Variants in POLR3B observed in about 807,000 individuals in gnomAD.
POLR3B encodes RNA polymerase III subunit B, also known as DNA-directed RNA polymerase III subunit RPC2.
A neutral mutation model predicts 147.4 loss-of-function variants in POLR3B; 96 were observed. The observed-to-expected ratio is 0.65, with a 90% confidence interval of 0.55 to 0.77. The LOEUF (loss-of-function observed/expected upper bound fraction) is 0.77, where lower values mean the gene tolerates loss of function less well. POLR3B is among the 30% of genes least tolerant of loss of function. POLR3B has a pLI of 0.00. For synonymous variants in POLR3B, 461 were observed against 485.9 expected (o/e 0.95, Z 0.67); for missense variants, 1,036 against 1,413.5 (o/e 0.73, Z 4.28).
intron 11 of POLR3B, chr12:106,410,570 T>G: frequency 2.1e-6 from 1 of 479,388 alleles, no homozygotes; most frequent in Non-Finnish European, 3.8e-6. Flanking sequence ...AGGAATGGCA[T>G]GAAGTTTATA....
At chr12:106,459,153 T>A (rs2037903209) in intron 21 of POLR3B, 98 bp from the exon 22 acceptor site, 1 of 767,928 alleles carries the variant, frequency 1.3e-6, no homozygotes, top group Non-Finnish European at 2.3e-6. Context: ...CCTCCTGAGT[T>A]GTTGGGACTG....
chr12:106,452,610 G>A (rs2037811673), intron 19 of POLR3B, among the ~76,000 whole-genome samples: 1 of 152,142 alleles, frequency 6.6e-6, no homozygotes, highest in African/African-American at 2.4e-5. Context: ...TAAATTTTAA[G>A]TGATTTCATA....
intron 27 of POLR3B, chr12:106,507,661 A>G (rs1014165937): frequency 1.5e-5 from 6 of 399,542 alleles, no homozygotes; most frequent in Admixed American, 1.3e-4. Flanking sequence ...CGGATCAAAT[A>G]CAGGTTAAGC....
chr12:106,480,041 C>T (rs1303403399), intron 23 of POLR3B, among the ~76,000 whole-genome samples: 1 of 150,240 alleles, frequency 6.7e-6, no homozygotes, highest in African/African-American at 2.5e-5. Context: ...TTTGTAGAGA[C>T]TAGGTATTGC....
At chr12:106,466,756 G>A (rs1474542784) in intron 23 of POLR3B, among the ~76,000 whole-genome samples, 1 of 152,130 alleles carries the variant, frequency 6.6e-6, no homozygotes, top group East Asian at 1.9e-4. Flanking sequence ...AAGATCAGAT[G>A]GTGGTAGATG....
intron 23 of POLR3B, among the ~76,000 whole-genome samples, chr12:106,467,706 A>G (rs1312725980): frequency 6.6e-6 from 1 of 152,156 alleles, no homozygotes; most frequent in Non-Finnish European, 1.5e-5. Context: ...ATCTATTGAG[A>G]TAATCATGTG....
At chr12:106,429,912 G>A (rs2037485595) in intron 13 of POLR3B, among the ~76,000 whole-genome samples, 1 of 152,158 alleles carries the variant, frequency 6.6e-6, no homozygotes, top group African/African-American at 2.4e-5. Context: ...AATGTGTATA[G>A]AAATTGCTGG....
chr12:106,496,273 C>T (rs1328106634), intron 24 of POLR3B, 115 bp downstream of exon 24: 1 of 758,764 alleles, frequency 1.3e-6, no homozygotes, highest in East Asian at 2.5e-5. Context: ...TCAGGTAGAG[C>T]TCTTCTGCCC....
At chr12:106,472,132 G>A (rs376300506) in intron 23 of POLR3B, among the ~76,000 whole-genome samples, 45 of 128,470 alleles carry the variant, frequency 3.5e-4, no homozygotes, top group African/African-American at 9.1e-4. Flanking sequence ...TTGTTCTTGC[G>A]ATAGTTTACT....
At chr12:106,498,983 T>A (rs1234742019) in intron 25 of POLR3B, among the ~76,000 whole-genome samples, 3 of 152,244 alleles carry the variant, frequency 2.0e-5, no homozygotes, top group Non-Finnish European at 4.4e-5. Flanking sequence ...CAGATGTGAT[T>A]GAAATTGTTA....
intron 18 of POLR3B, among the ~76,000 whole-genome samples, chr12:106,439,121 T>C (rs920480972): frequency 1.2e-4 from 19 of 152,132 alleles, no homozygotes; most frequent in Non-Finnish European, 4.4e-5. Context: ...ACCCCTATAA[T>C]CCCAGTGCTT....
Position 106,369,338 on chromosome 12 carries a change from G to A in POLR3B, c.291G>A (p.Val97=), listed in dbSNP as rs2036573630. The change falls in exon 5 of 28, where the codon GTG becomes GTA. Residue 97 remains valine, a synonymous_variant. Coordinates refer to ENST00000228347, the MANE Select transcript of POLR3B (RefSeq NM_018082.6). ...VEESFNVTRP[V]SPHECRLRDM... is the part of the protein sequence containing the mutation. Reference sequence around the variant, plus strand: ...AAAGCTTCAATGTAACTAGACCAGTGTCCCCTCATGAGGTAATTATGAACC... The same window carrying A: ...AAAGCTTCAATGTAACTAGACCAGTATCCCCTCATGAGGTAATTATGAACC... 2.5e-6 allele frequency: 4 copies of A among 1,570,776 alleles called. No individual in the cohort carries two copies. The South Asian group carries it at 4.4e-5, about 17-fold the overall frequency.
Position 106,509,903 on chromosome 12 carries a change from C to T in POLR3B, c.*354C>T. 1 of 224,218 alleles carries T rather than the reference C, an allele frequency of 4.5e-6. No individual in the cohort carries two copies. 13.9% of individuals were successfully genotyped at this position (224,218 alleles called of 1,614,324 possible). A position where few individuals can be genotyped will look rare whatever the true frequency, so the allele number is the denominator to read the frequency against. ...AGCAAATGTTTGGGGTCAAATTTAC[C>T]ATATCTTCTGGCTAACCATATTCAA... On this transcript the variant is annotated 3_prime_UTR_variant, in exon 28 of 28. Coordinates refer to ENST00000228347, the MANE Select transcript of POLR3B (RefSeq NM_018082.6).
At chr12:106,418,484 C>G (rs1260740116) in intron 12 of POLR3B, among the ~76,000 whole-genome samples, 2 of 152,218 alleles carry the variant, frequency 1.3e-5, no homozygotes, top group Admixed American at 1.3e-4. Flanking sequence ...ATTTGGCACT[C>G]TGTAGGCTTA....
At position 106,430,309 on chromosome 12, in the gene POLR3B, C is replaced by T; in HGVS notation, c.1300C>T (p.Gln434Ter). ...WSLKRFKMDR[Q>*]GVTQVLSRLS... ...TTTAAAGAGATTTAAAATGGACCGC[C>T]AGGGTGTAACCCAAGTGCTGTCTCG... Residue 434 changes from glutamine (Q) to a stop codon, truncating the protein, a stop_gained, in exon 14 of 28, where the codon CAG becomes TAG. Transcript: ENST00000228347. LOFTEE classifies it high-confidence loss of function. The T allele has an allele frequency of 2.5e-6, 4 of 1,614,076 alleles. No homozygotes were observed. The highest frequency in any genetic ancestry group is 3.4e-6 in the Non-Finnish European group (4 of 1,179,948).
At position 106,376,343 on chromosome 12, in the gene POLR3B, GT is replaced by G; in HGVS notation, c.405-12del. On this transcript the variant is annotated splice_polypyrimidine_tract_variant and intron_variant, in intron 6 of 27. Coordinates refer to ENST00000228347, the MANE Select transcript of POLR3B (RefSeq NM_018082.6). ...CAGCCTACATGTGATATTTTCTTTT[GT>G]TTTATTTTATACAGAATGCCCATAA... is the stretch of plus-strand genomic sequence containing the variant. 2 of 1,576,774 alleles carry G rather than the reference GT, an allele frequency of 1.3e-6. 1 individual carries two copies.
intron 25 of POLR3B, among the ~76,000 whole-genome samples, chr12:106,497,234 A>G (rs1384808312): frequency 6.8e-6 from 1 of 148,000 alleles, no homozygotes; most frequent in Non-Finnish European, 1.5e-5. Context: ...CAGGGAAGCC[A>G]AAAGATCGGA....
intron 13 of POLR3B, among the ~76,000 whole-genome samples, chr12:106,428,425 T>C (rs1015418463): frequency 1.3e-5 from 2 of 152,204 alleles, no homozygotes; most frequent in Admixed American, 1.3e-4. Flanking sequence ...GATCAACCTT[T>C]AAAATTCTTA....
chr12:106,488,948 C>G (rs907670933), intron 23 of POLR3B, among the ~76,000 whole-genome samples: 1 of 152,160 alleles, frequency 6.6e-6, no homozygotes, highest in Non-Finnish European at 1.5e-5. Context: ...TTCCAGATTT[C>G]CTCTTCTTTT....
Sources: allele counts gnomAD v4.1 joint callset (sites outside exome capture counted in the v4.1 genomes callset), GRCh38; gene constraint gnomAD v4.1.1; transcripts MANE v1.5; gene names NCBI Gene and HGNC (gene_info 2026-07-23, HGNC 2026-07-21).